ARFGEF2: variants seen among roughly 807,000 people sequenced by gnomAD.
ARFGEF2 encodes the protein ARF guanine nucleotide exchange factor 2.
A neutral mutation model predicts 219.9 loss-of-function variants in ARFGEF2; 74 were observed. The ratio of observed to expected loss-of-function variants is 0.34; its 90% CI spans 0.28 to 0.41. The LOEUF (loss-of-function observed/expected upper bound fraction) is 0.41. Among genes scored for constraint, ARFGEF2 ranks in the 10% least tolerant of loss-of-function variants. The pLI, the probability that ARFGEF2 is intolerant of heterozygous loss-of-function variation, is 1.00. For missense variants in ARFGEF2, 1,743 were observed against 2,218.3 expected (o/e 0.79, Z 4.30); for synonymous variants, 733 against 799.2 (o/e 0.92, Z 1.40).
chr20:49,009,407 T>G (rs1450347310), intron 26 of ARFGEF2, among the ~76,000 whole-genome samples: 1 of 151,324 alleles, frequency 6.6e-6, no homozygotes, highest in Non-Finnish European at 1.5e-5. Context: ...TCGAGGTCGC[T>G]CTACTGCATT....
At chr20:48,996,449 C>T (rs1186780379) in intron 23 of ARFGEF2, among the ~76,000 whole-genome samples, 1 of 116,218 alleles carries the variant, frequency 8.6e-6, no homozygotes, top group Admixed American at 1.1e-4. Context: ...AGTGAGACTC[C>T]ATCTGCAAAA....
Position 48,953,540 on chromosome 20 carries a change from T to G in ARFGEF2, c.604-16T>G, listed in dbSNP as rs761041850. On this transcript the variant is annotated splice_polypyrimidine_tract_variant and intron_variant, in intron 5 of 38. Coordinates refer to ENST00000371917, the MANE Select transcript of ARFGEF2 (RefSeq NM_006420.3). ...TCCTTACCAAAATGCTGTATCCCCCTTTTGTTGCCTTTTAGTTGCAGGAGG... is the reference window on the plus strand; with the variant it reads ...TCCTTACCAAAATGCTGTATCCCCCGTTTGTTGCCTTTTAGTTGCAGGAGG... 2 of 1,611,646 alleles carry G rather than the reference T, an allele frequency of 1.2e-6. No homozygotes were observed. Among genetic ancestry groups the G allele is most frequent in the East Asian group, 4.5e-5 (2 of 44,870 alleles).
At chr20:48,948,342 C>T (rs1041168981) in intron 3 of ARFGEF2, among the ~76,000 whole-genome samples, 9 of 152,172 alleles carry the variant, frequency 5.9e-5, no homozygotes, top group African/African-American at 2.2e-4. Context: ...TTTTGACTGG[C>T]ATATGACGTG....
chr20:48,936,536 T>C (rs1307507346), intron 1 of ARFGEF2, among the ~76,000 whole-genome samples: 1 of 151,890 alleles, frequency 6.6e-6, no homozygotes, highest in African/African-American at 2.4e-5. Flanking sequence ...TCTCTCTTTT[T>C]TTTTTGAGAC....
Position 48,974,635 on chromosome 20 carries a change from G to T in ARFGEF2, c.1666-131G>T. On this transcript the variant is annotated intron_variant, in intron 12 of 38. Coordinates refer to ENST00000371917, the MANE Select transcript of ARFGEF2 (RefSeq NM_006420.3). ...CTTGTCACTTCTTAGCTCTGGGTTT[G>T]TTTCATTCTTAATAGCACTGACTGT... 3 of 725,692 alleles carry T rather than the reference G, an allele frequency of 4.1e-6. No homozygotes were observed. In the South Asian group the frequency reaches 4.5e-5, roughly 11 times the overall value. The allele number at this position is 725,692 out of a possible 1,614,324, so 45.0% of individuals were successfully genotyped here.
At chr20:48,994,717 G>A (rs996155154) in intron 22 of ARFGEF2, 119 bp downstream of exon 22, 28 of 1,445,086 alleles carry the variant, frequency 1.9e-5, no homozygotes, top group Non-Finnish European at 2.6e-5. Context: ...CCATCTGACA[G>A]TGTTCATGAA....
Position 48,952,898 on chromosome 20 carries a change from C to T in ARFGEF2, c.603+14C>T. 1.9e-6 allele frequency: 3 copies of T among 1,614,026 alleles called. No individual in the cohort carries two copies. The highest frequency in any genetic ancestry group is 1.1e-5 in the South Asian group (1 of 91,086). On this transcript the variant is annotated intron_variant, in intron 5 of 38. Coordinates refer to ENST00000371917, the MANE Select transcript of ARFGEF2 (RefSeq NM_006420.3). ...GAAAACCAAGTGGTGAGTGACAGCA[C>T]TTACGTGCTAGGGGCAAGACATCAT... is the stretch of plus-strand genomic sequence containing the variant.
At chr20:48,957,869 T>C (rs2091114697) in intron 6 of ARFGEF2, among the ~76,000 whole-genome samples, 1 of 152,202 alleles carries the variant, frequency 6.6e-6, no homozygotes, top group African/African-American at 2.4e-5. Flanking sequence ...TTTGCATAAG[T>C]ACTATTATGG....
chr20:48,925,209 A>G (rs886801422), intron 1 of ARFGEF2, among the ~76,000 whole-genome samples: 1 of 152,204 alleles, frequency 6.6e-6, no homozygotes, highest in Non-Finnish European at 1.5e-5. Flanking sequence ...CGTCCGCACT[A>G]TACACCAAAA....
At chr20:49,007,472 A>G (rs2091469214) in intron 26 of ARFGEF2, among the ~76,000 whole-genome samples, 1 of 151,418 alleles carries the variant, frequency 6.6e-6, no homozygotes, top group Non-Finnish European at 1.5e-5. Flanking sequence ...TATTTTTGGT[A>G]GAGATGGGGT....
At chr20:49,006,870 G>A (rs975464626) in intron 26 of ARFGEF2, among the ~76,000 whole-genome samples, 9 of 151,644 alleles carry the variant, frequency 5.9e-5, no homozygotes, top group African/African-American at 1.7e-4. Context: ...GATGGAAGCC[G>A]TTGGAGGTTT....
intron 1 of ARFGEF2, among the ~76,000 whole-genome samples, chr20:48,937,875 G>A (rs1169989805): frequency 6.6e-6 from 1 of 152,198 alleles, no homozygotes; most frequent in East Asian, 1.9e-4. Flanking sequence ...GATTTCAGAA[G>A]GCTTGTAAAC....
chr20:48,938,311 T>C (rs1233394727), intron 1 of ARFGEF2, among the ~76,000 whole-genome samples: 6 of 152,254 alleles, frequency 3.9e-5, no homozygotes, highest in Admixed American at 3.3e-4. Flanking sequence ...GCAGCTACTT[T>C]TCTGCAGCCA....
At chr20:48,999,663 C>T (rs2123485394) in intron 25 of ARFGEF2, among the ~76,000 whole-genome samples, 1 of 148,736 alleles carries the variant, frequency 6.7e-6, no homozygotes, top group East Asian at 2.0e-4. Flanking sequence ...AGAAGAATGG[C>T]GTGAACCCGG....
intron 1 of ARFGEF2, among the ~76,000 whole-genome samples, chr20:48,937,475 G>T (rs1179494332): frequency 6.6e-6 from 1 of 152,094 alleles, no homozygotes; most frequent in Non-Finnish European, 1.5e-5. Context: ...CTGAGCTCCT[G>T]AGCTTAAACT....
At chr20:48,998,919 AT>A (rs1302689967) in intron 25 of ARFGEF2, among the ~76,000 whole-genome samples, 2 of 152,306 alleles carry the variant, frequency 1.3e-5, no homozygotes, top group Middle Eastern at 3.4e-3. Flanking sequence ...TATTGCCACC[AT>A]TCTTCTGAAA....
intron 20 of ARFGEF2, 82 bp from the exon 21 acceptor site, chr20:48,990,958 C>G (rs1424399719): frequency 6.8e-7 from 1 of 1,473,460 alleles, no homozygotes; most frequent in Non-Finnish European, 9.3e-7. Context: ...ATCAGAGAAG[C>G]CCAGTGTGCC....
At chr20:49,024,325 G>C (rs2091587556) in intron 35 of ARFGEF2, among the ~76,000 whole-genome samples, 2 of 152,194 alleles carry the variant, frequency 1.3e-5, no homozygotes, top group African/African-American at 4.8e-5. Context: ...AAGTTGGACA[G>C]TTATCCTACA....
intron 14 of ARFGEF2, among the ~76,000 whole-genome samples, chr20:48,978,260 T>A (rs1167596451): frequency 6.6e-6 from 1 of 152,330 alleles, no homozygotes; most frequent in Admixed American, 6.5e-5. Flanking sequence ...CTTGTTTTTG[T>A]CAGGTTTGTC....
Sources: allele counts gnomAD v4.1 joint callset (sites outside exome capture counted in the v4.1 genomes callset), GRCh38; gene constraint gnomAD v4.1.1; transcripts MANE v1.5; gene names NCBI Gene and HGNC (gene_info 2026-07-23, HGNC 2026-07-21).